Variants in GUCY1A1 observed in about 807,000 individuals in gnomAD.
The protein encoded by GUCY1A1 is guanylate cyclase soluble subunit alpha-1.
Under a neutral mutation model 64.5 loss-of-function variants are expected in GUCY1A1, and 48 were observed. The ratio of observed to expected loss-of-function variants is 0.74; its 90% CI spans 0.59 to 0.95. GUCY1A1 has a LOEUF of 0.95. GUCY1A1 is among the 40% of genes least tolerant of loss of function. The probability of loss-of-function intolerance (pLI) is 0.00; values close to 1 mark genes in which losing one functional copy is unlikely to be tolerated. For synonymous variants in GUCY1A1, 308 were observed against 303.4 expected (o/e 1.02, Z -0.16); for missense variants, 804 against 825.3 (o/e 0.97, Z 0.32).
At position 155,710,395 on chromosome 4, in the gene GUCY1A1, T is replaced by C. The variant is rs141924901; in HGVS notation, c.377-147T>C. 2.7e-4 allele frequency: 153 copies of C among 575,178 alleles called. 1 individual carries two copies. Among genetic ancestry groups the C allele is most frequent in the African/African-American group, 2.5e-3 (135 of 53,342 alleles). The allele number at this position is 575,178 out of a possible 1,614,324, so 35.6% of individuals were successfully genotyped here. A position where few individuals can be genotyped will look rare whatever the true frequency, so the allele number is the denominator to read the frequency against. On this transcript the variant is annotated intron_variant, in intron 5 of 9. Transcript: ENST00000506455. ...CTAACCTAGGTAGATAATTTGGATA[T>C]AGGGGTTTCATTTTGGTTGGAAATG...
intron 8 of GUCY1A1, among the ~76,000 whole-genome samples, chr4:155,720,404 T>A (rs1733824641): frequency 6.6e-6 from 1 of 152,020 alleles, no homozygotes; most frequent in Non-Finnish European, 1.5e-5. Context: ...TAAATTAATA[T>A]TCTCCTAAAA....
intron 3 of GUCY1A1, among the ~76,000 whole-genome samples, chr4:155,701,050 T>G (rs1440302283): frequency 6.6e-6 from 1 of 152,136 alleles, no homozygotes; most frequent in Non-Finnish European, 1.5e-5. Context: ...TATTGTGGAC[T>G]CATATTATCT....
At chr4:155,694,085 T>G (rs1022482839) in intron 2 of GUCY1A1, among the ~76,000 whole-genome samples, 1 of 152,232 alleles carries the variant, frequency 6.6e-6, no homozygotes, top group Non-Finnish European at 1.5e-5. Flanking sequence ...TACCCTTTTT[T>G]GCTAGTTATT....
intron 2 of GUCY1A1, among the ~76,000 whole-genome samples, chr4:155,687,140 C>A (rs1236453867): frequency 6.6e-6 from 1 of 152,078 alleles, no homozygotes; most frequent in Non-Finnish European, 1.5e-5. Flanking sequence ...ATAAAATTGT[C>A]AATCATTTAT....
At position 155,710,736 on chromosome 4, in the gene GUCY1A1, C is replaced by T. The variant is rs1387174278; in HGVS notation, c.571C>T (p.Leu191=). The change falls in exon 6 of 10, where the codon CTA becomes TTA. Residue 191 remains leucine (L), a synonymous_variant. Transcript: ENST00000506455. ...GGGCAGGCTTGAGGACGCCTCCATT[C>T]TATGCCTGGATAAGGAGGATGATTT... ...KRGRLEDASI[L]CLDKEDDFLH... is the part of the protein sequence containing the mutation. The T allele has an allele frequency of 6.2e-7, 1 of 1,614,048 alleles. No homozygotes were observed. The highest frequency in any genetic ancestry group is 1.7e-5 in the Admixed American group (1 of 60,010).
chr4:155,709,965 G>A (rs1273538830), intron 5 of GUCY1A1, among the ~76,000 whole-genome samples: 1 of 152,114 alleles, frequency 6.6e-6, no homozygotes, highest in African/African-American at 2.4e-5. Context: ...TAACCTTATA[G>A]CACTCGTGAA....
rs1428818007 is a variant in GUCY1A1, at chr4:155,736,607, G to A, written c.*6376G>A. ...AGTCTGTGATTTTTGGGTTAGATGAGACCACTTTTGATTTTTGAGGAATAA... is the reference window on the plus strand; with the variant it reads ...AGTCTGTGATTTTTGGGTTAGATGAAACCACTTTTGATTTTTGAGGAATAA... On this transcript the variant is annotated 3_prime_UTR_variant, in exon 10 of 10. Transcript: ENST00000506455. 6.6e-6 allele frequency: 1 copy of A among 151,980 alleles called. No homozygotes were observed. The highest frequency in any genetic ancestry group is 2.4e-5 in the African/African-American group (1 of 41,404). 9.4% of individuals were successfully genotyped at this position (151,980 alleles called of 1,614,324 possible).
rs1015162161 is a variant in GUCY1A1, at chr4:155,712,378, C to T, written c.1087-720C>T. The stretch of plus-strand genomic sequence containing the variant: ...AACTCCTGACCTTGGGTGATCCATC[C>T]GCCTCGTTCTCCTAAGCTCTACTTT... On this transcript the variant is annotated intron_variant, in intron 6 of 9. Transcript: ENST00000506455. 7.2e-5 allele frequency among the ~76,000 whole-genome samples: 11 copies of T among 152,262 alleles called. No homozygotes were observed. In the South Asian group the frequency reaches 8.3e-4, roughly 11 times the overall value.
rs142804400 is a variant in GUCY1A1 at position 155,705,186 on chromosome 4, T to C, written c.317+1193T>C. Among the ~76,000 whole-genome samples, 760 of 152,362 alleles carry C rather than the reference T, an allele frequency of 5.0e-3. 4 individuals carry two copies. Among genetic ancestry groups the C allele is most frequent in the African/African-American group, 0.018 (731 of 41,588 alleles). On this transcript the variant is annotated intron_variant, in intron 4 of 9. Coordinates refer to ENST00000506455, the MANE Select transcript of GUCY1A1 (RefSeq NM_001130682.3). Reference sequence around the variant, plus strand: ...GATTACAGGCATGCGCCACTGCGCCTTGTCTCTAAAGTTACATTTTTTAAA... The same window carrying C: ...GATTACAGGCATGCGCCACTGCGCCCTGTCTCTAAAGTTACATTTTTTAAA...
At chr4:155,696,643 A>T (rs760644598) in intron 2 of GUCY1A1, 113 bp from the exon 3 acceptor site, 5 of 414,546 alleles carry the variant, frequency 1.2e-5, no homozygotes, top group Non-Finnish European at 2.1e-5. Context: ...TTCCAGCAGA[A>T]TTTTTTTAAC....
chr4:155,690,364 TTGCCCAACCCAGATCTACCATC>T (rs1390667021), intron 2 of GUCY1A1, among the ~76,000 whole-genome samples: 1 of 152,160 alleles, frequency 6.6e-6, no homozygotes, highest in Non-Finnish European at 1.5e-5. Flanking sequence ...GGTCCTGTTT[TTGCCCAACCCAGATCTACCATC>T]TGTCCTACTC....
At chr4:155,674,126 C>A (rs755458762) in intron 2 of GUCY1A1, among the ~76,000 whole-genome samples, 1 of 151,164 alleles carries the variant, frequency 6.6e-6, no homozygotes, top group African/African-American at 2.5e-5. Context: ...GAGGCCGAGG[C>A]GGGTAGATCA....
At position 155,710,717 on chromosome 4, in the gene GUCY1A1, G is replaced by T; in HGVS notation, c.552G>T (p.Arg184Ser). 3 of 1,614,130 alleles carry T rather than the reference G, an allele frequency of 1.9e-6. No individual in the cohort carries two copies. Among genetic ancestry groups the T allele is most frequent in the Non-Finnish European group, 2.5e-6 (3 of 1,180,028 alleles). Residue 184 changes from arginine (R) to serine (S), a missense_variant, in exon 6 of 10, where the codon AGG (arginine) becomes AGT (serine). Physicochemically the swap from Arg to Ser is moderately radical, Grantham distance 110. Coordinates refer to ENST00000506455, the MANE Select transcript of GUCY1A1 (RefSeq NM_001130682.3). ...GCCAAGAAGCAGGAAAAAGGGGCAG[G>T]CTTGAGGACGCCTCCATTCTATGCC... ...SHCQEAGKRG[R>S]LEDASILCLD...
rs781227371 is a variant in GUCY1A1, at chr4:155,710,778, T to C, written c.613T>C (p.Phe205Leu). ...KEDDFLHVYY[F>L]FPKRTTSLIL... ...GGATGATTTTCTACATGTTTACTACTTCTTCCCTAAGAGAACCACCTCCCT... is the reference window on the plus strand; with the variant it reads ...GGATGATTTTCTACATGTTTACTACCTCTTCCCTAAGAGAACCACCTCCCT... Residue 205 changes from phenylalanine (F) to leucine (L), a missense_variant, in exon 6 of 10, where the codon TTC (phenylalanine) becomes CTC (leucine). Coordinates refer to ENST00000506455, the MANE Select transcript of GUCY1A1 (RefSeq NM_001130682.3). 1 of 1,614,030 alleles carries C rather than the reference T, an allele frequency of 6.2e-7. No homozygotes were observed. Among genetic ancestry groups the C allele is most frequent in the East Asian group, 2.2e-5 (1 of 44,872 alleles).
chr4:155,696,212 T>C (rs903658578), intron 2 of GUCY1A1, among the ~76,000 whole-genome samples: 1 of 152,074 alleles, frequency 6.6e-6, no homozygotes, highest in Non-Finnish European at 1.5e-5. Flanking sequence ...TCATCTTCAT[T>C]GAACTTTTTT....
chr4:155,733,633 C>T lies in GUCY1A1; in HGVS notation c.*3402C>T, dbSNP rs1199750071. 1.3e-5 allele frequency among the ~76,000 whole-genome samples: 2 copies of T among 150,366 alleles called. No individual in the cohort carries two copies. The highest frequency in any genetic ancestry group is 1.3e-4 in the Admixed American group (2 of 15,036). The stretch of plus-strand genomic sequence containing the variant: ...CTACAATAAGAGCCATTATTATTCA[C>T]TTGAGGCACTTGTTCAAAATAGATT... On this transcript the variant is annotated 3_prime_UTR_variant, in exon 10 of 10. Coordinates refer to ENST00000506455, the MANE Select transcript of GUCY1A1 (RefSeq NM_001130682.3).
At chr4:155,717,559 T>C (rs990290305) in intron 8 of GUCY1A1, among the ~76,000 whole-genome samples, 1 of 152,134 alleles carries the variant, frequency 6.6e-6, no homozygotes, top group Non-Finnish European at 1.5e-5. Flanking sequence ...TCCCATAGTA[T>C]AGGGATTTTC....
At chr4:155,722,737 T>G (rs1031400391) in intron 9 of GUCY1A1, among the ~76,000 whole-genome samples, 3 of 152,140 alleles carry the variant, frequency 2.0e-5, no homozygotes, top group Non-Finnish European at 4.4e-5. Flanking sequence ...CTATACTTAC[T>G]ATTACAGTTT....
At chr4:155,673,878 T>G (rs1308643941) in intron 2 of GUCY1A1, among the ~76,000 whole-genome samples, 1 of 151,538 alleles carries the variant, frequency 6.6e-6, no homozygotes, top group Admixed American at 6.6e-5. Context: ...ATTGCATGCC[T>G]TATTATGTTT....
Sources: gnomAD v4.1 joint callset for allele counts (sites outside exome capture counted in the v4.1 genomes callset) on GRCh38, gnomAD v4.1.1 for gene constraint, MANE v1.5 for transcripts, NCBI Gene and HGNC (gene_info 2026-07-23, HGNC 2026-07-21) for gene names.